Variants in MTUS2 observed in about 807,000 individuals in gnomAD.
The protein encoded by MTUS2 is microtubule-associated tumor suppressor candidate 2.
Under a neutral mutation model 114.1 loss-of-function variants are expected in MTUS2, and 40 were observed. The observed-to-expected ratio is 0.35, with a 90% CI of 0.27 to 0.46. The LOEUF (loss-of-function observed/expected upper bound fraction) is 0.46. MTUS2 is among the 20% of genes least tolerant of loss of function. The probability of loss-of-function intolerance (pLI) is 1.00; values close to 1 mark genes in which losing one functional copy is unlikely to be tolerated. For missense variants in MTUS2, 1,679 were observed against 1,705.4 expected, an observed-to-expected ratio of 0.98 and a Z score of 0.27; for synonymous variants, 688 against 672.0, an observed-to-expected ratio of 1.02 and a Z score of -0.37.
At chr13:29,412,155 C>G (rs937369385) in intron 8 of MTUS2, among the ~76,000 whole-genome samples, 2 of 152,142 alleles carry the variant, frequency 1.3e-5, no homozygotes, top group African/African-American at 4.8e-5. Flanking sequence ...TGCTTTGTTC[C>G]TGATTTGAAT....
intron 8 of MTUS2, among the ~76,000 whole-genome samples, chr13:29,433,706 T>A (rs2138652806): frequency 6.6e-6 from 1 of 152,322 alleles, no homozygotes; most frequent in East Asian, 1.9e-4. Context: ...TGCAGCTGGT[T>A]CATTTTGAAA....
At chr13:29,353,379 C>G (rs1400125004) in intron 7 of MTUS2, among the ~76,000 whole-genome samples, 2 of 152,088 alleles carry the variant, frequency 1.3e-5, no homozygotes, top group Non-Finnish European at 2.9e-5. Context: ...CTATATTGCC[C>G]AGGGTCGTCA....
At chr13:29,194,745 G>A (rs1302751703) in intron 5 of MTUS2, among the ~76,000 whole-genome samples, 2 of 151,632 alleles carry the variant, frequency 1.3e-5, no homozygotes, top group Admixed American at 6.6e-5. Context: ...CCATTACTGG[G>A]TATATACCCA....
intron 4 of MTUS2, chr13:29,071,916 AC>A (rs2138692108): frequency 6.6e-6 from 1 of 152,204 alleles, no homozygotes; most frequent in Non-Finnish European, 1.5e-5. Context: ...CTGGGTGCTT[AC>A]CCTATGCCCA....
At chr13:29,332,298 G>A (rs1900819262) in intron 7 of MTUS2, among the ~76,000 whole-genome samples, 2 of 150,862 alleles carry the variant, frequency 1.3e-5, no homozygotes. Context: ...GAGGGTGTAT[G>A]TGCCCAGGAA....
At chr13:28,946,073 T>TA (rs1229749142) in intron 2 of MTUS2, among the ~76,000 whole-genome samples, 1 of 152,230 alleles carries the variant, frequency 6.6e-6, no homozygotes, top group Non-Finnish European at 1.5e-5. Context: ...CTTTTAAACT[T>TA]CACAGTTATA....
At chr13:28,968,880 GTAAA>G (rs760190771) in intron 2 of MTUS2, among the ~76,000 whole-genome samples, 7 of 152,060 alleles carry the variant, frequency 4.6e-5, no homozygotes, top group African/African-American at 1.7e-4. Flanking sequence ...TACTAAAAAT[GTAAA>G]TAAAAGTAAA....
intron 2 of MTUS2, among the ~76,000 whole-genome samples, chr13:28,943,072 C>G (rs555503364): frequency 6.6e-4 from 100 of 152,240 alleles, no homozygotes; most frequent in African/African-American, 2.3e-3. Flanking sequence ...GCTGACATTC[C>G]TCTGGCATTA....
chr13:29,492,672 A>G lies in MTUS2; in HGVS notation c.3532A>G (p.Lys1178Glu), dbSNP rs763282690. The G allele has an allele frequency of 1.9e-6, 3 of 1,613,816 alleles. No individual in the cohort carries two copies. The Admixed American group carries it at 5.0e-5, about 27-fold the overall frequency. ...QELMSTHELE[K>E]KELEENFEKL... ...ATTGATGTCCACTCATGAGCTTGAA[A>G]AGAAAGAATTGGAAGAAAATTTTGA... The change falls in exon 12 of 16, where the codon AAG (lysine) becomes GAG (glutamate). Residue 1178 changes from lysine (K) to glutamate (E), a missense_variant. By Grantham distance (56) the Lys-to-Glu change is moderately conservative (BLOSUM62 1). Coordinates refer to ENST00000612955, the MANE Select transcript of MTUS2 (RefSeq NM_001033602.4).
At chr13:29,241,370 A>T (rs1243452304) in intron 5 of MTUS2, among the ~76,000 whole-genome samples, 1 of 152,140 alleles carries the variant, frequency 6.6e-6, no homozygotes, top group Non-Finnish European at 1.5e-5. Context: ...CTCAGTAATT[A>T]TATTATTTAT....
chr13:28,910,855 CTTTTTTTTTTTTTTTTTTTTTTTT>C (rs555935861), intron 2 of MTUS2, among the ~76,000 whole-genome samples: 1,717 of 58,086 alleles, frequency 0.03, 56 homozygotes, highest in Middle Eastern at 0.062. Context: ...ATATACATGG[CTTTTTTTTTTTTTTTTTTTTTTTT>C]TTTTTTTTTT....
At chr13:29,380,125 C>G (rs981278476) in intron 8 of MTUS2, among the ~76,000 whole-genome samples, 1 of 152,228 alleles carries the variant, frequency 6.6e-6, no homozygotes, top group African/African-American at 2.4e-5. Context: ...CTGACTGTCA[C>G]CCTGTGCTCC....
chr13:29,412,948 A>G (rs570831785), intron 8 of MTUS2, among the ~76,000 whole-genome samples: 1 of 152,274 alleles, frequency 6.6e-6, no homozygotes, highest in South Asian at 2.1e-4. Context: ...TCCTGGACTC[A>G]TGGCCCAGTT....
chr13:28,880,667 C>G (rs548398631), intron 2 of MTUS2, among the ~76,000 whole-genome samples: 1 of 152,288 alleles, frequency 6.6e-6, no homozygotes, highest in East Asian at 1.9e-4. Context: ...TCAGCTGTAA[C>G]CACAGGTAAT....
chr13:29,176,654 ATAAGTT>A (rs1893785287), intron 5 of MTUS2, among the ~76,000 whole-genome samples: 1 of 152,214 alleles, frequency 6.6e-6, no homozygotes, highest in African/African-American at 2.4e-5. Context: ...GGCCTCTTTT[ATAAGTT>A]CACTAATCCC....
intron 9 of MTUS2, among the ~76,000 whole-genome samples, chr13:29,463,919 G>A (rs1329036688): frequency 6.6e-6 from 1 of 152,198 alleles, no homozygotes; most frequent in African/African-American, 2.4e-5. Flanking sequence ...GCTTGAACCT[G>A]GGAGGCAGAG....
chr13:28,825,142 T>C (rs1874179579), intron 1 of MTUS2, among the ~76,000 whole-genome samples: 1 of 152,112 alleles, frequency 6.6e-6, no homozygotes, highest in Admixed American at 6.5e-5. Flanking sequence ...ACACTGGTGT[T>C]GTTCTTGGGG....
chr13:29,420,465 A>AT (rs1876007544), intron 8 of MTUS2, among the ~76,000 whole-genome samples: 2 of 152,004 alleles, frequency 1.3e-5, no homozygotes, highest in African/African-American at 4.8e-5. Context: ...TTTAGTAGAG[A>AT]GAGGGTTTCA....
Position 29,480,185 on chromosome 13 carries a change from GAGA to G in MTUS2, c.3223_3225del (p.Lys1075del). 1 of 1,556,458 alleles carries G rather than the reference GAGA, an allele frequency of 6.4e-7. No individual in the cohort carries two copies. Among genetic ancestry groups the G allele is most frequent in the Non-Finnish European group, 8.7e-7 (1 of 1,149,598 alleles). On this transcript the variant is annotated inframe_deletion, in exon 10 of 16. Coordinates refer to ENST00000612955, the MANE Select transcript of MTUS2 (RefSeq NM_001033602.4). The surrounding 1 kb of genome is among the most constrained non-coding windows in gnomAD (Gnocchi z 4.4). ...AGCAAAGTGCGAGAAACTACAAAAG[GAGA>G]AGGAGGAGCTGGAGAGGCGGTTCGA... is the stretch of plus-strand genomic sequence containing the variant.
Sources: allele counts gnomAD v4.1 joint callset (sites outside exome capture counted in the v4.1 genomes callset), GRCh38; gene constraint gnomAD v4.1.1; non-coding constraint Gnocchi (gnomAD v3.1); transcripts MANE v1.5; gene names NCBI Gene and HGNC (gene_info 2026-07-23, HGNC 2026-07-21).